HSPA12B: variants seen among roughly 807,000 people sequenced by gnomAD.
HSPA12B encodes the protein heat shock protein family A (Hsp70) member 12B.
Under a neutral mutation model 69.3 loss-of-function variants are expected in HSPA12B, and 54 were observed. The ratio of observed to expected loss-of-function variants is 0.78; its 90% confidence interval spans 0.63 to 0.98. HSPA12B has a LOEUF of 0.98. Ranked by LOEUF, HSPA12B falls within the 50% of genes least tolerant of loss-of-function variation. The pLI is 0.00. For missense variants in HSPA12B, 929 were observed against 999.8 expected, an observed-to-expected ratio of 0.93 and a Z score of 0.96; for synonymous variants, 441 against 436.5, an observed-to-expected ratio of 1.01 and a Z score of -0.13.
intron 12 of HSPA12B, 29 bp downstream of exon 12, chr20:3,750,936 G>C (rs1430536581): frequency 6.4e-7 from 1 of 1,574,578 alleles, no homozygotes. Flanking sequence ...TCCCCCACCC[G>C]CCCCTACATG....
intron 1 of HSPA12B, among the ~76,000 whole-genome samples, chr20:3,736,040 C>A (rs1347508652): frequency 6.6e-6 from 1 of 152,174 alleles, no homozygotes; most frequent in Non-Finnish European, 1.5e-5. Flanking sequence ...ATGGTGTTTG[C>A]CAATTTCTGT....
chr20:3,738,931 GTGTA>G (rs1568471930), intron 2 of HSPA12B, among the ~76,000 whole-genome samples: 1 of 152,186 alleles, frequency 6.6e-6, no homozygotes, highest in African/African-American at 2.4e-5. Context: ...GCACCGGTCT[GTGTA>G]TGTGAGTATG....
chr20:3,745,037 G>A lies in HSPA12B; in HGVS notation c.402G>A (p.Ala134=), dbSNP rs368009825. ...ACCATGACCTGGACCCCGAAGAGGC[G>A]CGGGACTGGCTCTACTTCGAGAAGT... ...DYYHDLDPEE[A]RDWLYFEKFK... is the part of the protein sequence containing the mutation. Residue 134 remains alanine (A), a synonymous_variant, in exon 5 of 13, where the codon GCG becomes GCA. Transcript: ENST00000254963. The surrounding 1 kb of genome is among the most constrained non-coding windows in gnomAD (Gnocchi z 5.6). 6.2e-7 allele frequency: 1 copy of A among 1,613,976 alleles called. No individual in the cohort carries two copies. The highest frequency in any genetic ancestry group is 8.5e-7 in the Non-Finnish European group (1 of 1,180,020).
In HSPA12B at chr20:3,737,977, T is replaced by C. The variant is rs2088134866; in HGVS notation, c.-17-681T>C. Among the ~76,000 whole-genome samples the C allele has an allele frequency of 6.6e-6, 1 of 152,214 alleles. No homozygotes were observed. Among genetic ancestry groups the C allele is most frequent in the South Asian group, 2.1e-4 (1 of 4,824 alleles). On this transcript the variant is annotated intron_variant, in intron 1 of 12. Transcript: ENST00000254963. The surrounding 1 kb of genome is among the most constrained non-coding windows in gnomAD (Gnocchi z 4.1). The stretch of plus-strand genomic sequence containing the variant: ...AAGATCGTGCCACTGCATTCCAGCC[T>C]GGGCAACAGAGTGAGACCCTGTCTC...
chr20:3,733,162 G>C (rs1330008693), intron 1 of HSPA12B, among the ~76,000 whole-genome samples: 1 of 152,170 alleles, frequency 6.6e-6, no homozygotes. Flanking sequence ...GGAGTTGAGT[G>C]TATGTGTGTG....
chr20:3,748,403 C>T lies in HSPA12B; in HGVS notation c.850+12C>T, dbSNP rs888818918. On this transcript the variant is annotated intron_variant, in intron 8 of 12. Transcript: ENST00000254963. ...CAGCTTCCGTCAGGGTGAGCTGCCC[C>T]CGGGGACACCACCCACCCCTGGAGG... 3 of 1,570,586 alleles carry T rather than the reference C, an allele frequency of 1.9e-6. No individual in the cohort carries two copies. Among genetic ancestry groups the T allele is most frequent in the East Asian group, 2.3e-5 (1 of 42,720 alleles).
chr20:3,743,941 G>C (rs1301950932), intron 4 of HSPA12B, among the ~76,000 whole-genome samples: 1 of 152,116 alleles, frequency 6.6e-6, no homozygotes, highest in Non-Finnish European at 1.5e-5. Flanking sequence ...AAGGTTCTAA[G>C]GGCTGAGTTG....
chr20:3,751,767 G>A lies in HSPA12B; in HGVS notation c.1662G>A (p.Gly554=). Residue 554 remains glycine (G), a synonymous_variant, in exon 13 of 13, where the codon GGG becomes GGA. Transcript: ENST00000254963. ...GVGVLNRFVP[G]RHPPEKLLVR... ...GCGTGCTCAACCGCTTTGTGCCTGGGCGCCACCCGCCCGAAAAGCTGCTGG... is the reference window on the plus strand; with the variant it reads ...GCGTGCTCAACCGCTTTGTGCCTGGACGCCACCCGCCCGAAAAGCTGCTGG... 6.6e-7 allele frequency: 1 copy of A among 1,525,684 alleles called. No individual in the cohort carries two copies. Among genetic ancestry groups the A allele is most frequent in the Non-Finnish European group, 8.8e-7 (1 of 1,142,278 alleles). 94.5% of individuals were successfully genotyped at this position (1,525,684 alleles called of 1,614,324 possible).
rs2088408296 is a variant in HSPA12B, at chr20:3,750,925, G to T, written c.1405+18G>T. On this transcript the variant is annotated intron_variant, in intron 12 of 12. Transcript: ENST00000254963. Reference sequence around the variant, plus strand: ...GCACATAGGTGAGCACCTGAGCTTGGTCCCCCACCCGCCCCTACATGAACA... The same window carrying T: ...GCACATAGGTGAGCACCTGAGCTTGTTCCCCCACCCGCCCCTACATGAACA... 1 of 1,606,412 alleles carries T rather than the reference G, an allele frequency of 6.2e-7. No individual in the cohort carries two copies. The highest frequency in any genetic ancestry group is 1.7e-5 in the Admixed American group (1 of 59,986).
chr20:3,749,848 G>A lies in HSPA12B; in HGVS notation c.1036G>A (p.Ala346Thr), dbSNP rs2088377473. Residue 346 changes from alanine to threonine, a missense_variant, in exon 10 of 13, where the codon GCA (alanine) becomes ACA (threonine). Transcript: ENST00000254963. This position sits in a 1 kb window ranked among gnomAD's most constrained non-coding sequence, Gnocchi z 5.5. ...TGGCACCCTCAAGGAGCTCTACAAG[G>A]CATCTGGTGAGTAGCCAGGCGGCGC... is the stretch of plus-strand genomic sequence containing the variant. ...PHGTLKELYK[A>T]SGGPYGAVGV... 1 of 1,603,876 alleles carries A rather than the reference G, an allele frequency of 6.2e-7. No individual in the cohort carries two copies. Among genetic ancestry groups the A allele is most frequent in the Non-Finnish European group, 8.5e-7 (1 of 1,175,562 alleles).
rs566095976 is a variant in HSPA12B at position 3,749,460 on chromosome 20, G to A, written c.937+142G>A. ...CCTGGCCGTCCCCTCACAGTCACCC[G>A]CACCCCCACCCCACTCACAGCGGCG... is the stretch of plus-strand genomic sequence containing the variant. On this transcript the variant is annotated intron_variant, in intron 9 of 12. Transcript: ENST00000254963. This position sits in a 1 kb window ranked among gnomAD's most constrained non-coding sequence, Gnocchi z 5.5. 1 of 773,592 alleles carries A rather than the reference G, an allele frequency of 1.3e-6. No homozygotes were observed. The allele number at this position is 773,592 out of a possible 1,614,324, so 47.9% of individuals were successfully genotyped here. A position where few individuals can be genotyped will look rare whatever the true frequency, so the allele number is the denominator to read the frequency against.
At position 3,744,699 on chromosome 20, in the gene HSPA12B, GA is replaced by G. The variant is rs2088263732; in HGVS notation, c.267-201del. 1.3e-5 allele frequency among the ~76,000 whole-genome samples: 2 copies of G among 152,192 alleles called. No individual in the cohort carries two copies. The highest frequency in any genetic ancestry group is 4.1e-4 in the South Asian group (2 of 4,824). ...TACCTCTTGGCTACTTTAAATCCACGAAGACAGAATTCTGAATGGCCTTCTG... is the reference window on the plus strand; with the variant it reads ...TACCTCTTGGCTACTTTAAATCCACGAGACAGAATTCTGAATGGCCTTCTG... On this transcript the variant is annotated intron_variant, in intron 4 of 12. Transcript: ENST00000254963. The surrounding 1 kb of genome is among the most constrained non-coding windows in gnomAD (Gnocchi z 4.9).
intron 1 of HSPA12B, among the ~76,000 whole-genome samples, chr20:3,733,278 C>T (rs1600302857): frequency 6.6e-6 from 1 of 152,090 alleles, no homozygotes; most frequent in African/African-American, 2.4e-5. Flanking sequence ...GTCTTCCGGG[C>T]CAGCTTGAGG....
chr20:3,742,846 C>T (rs553084431), intron 4 of HSPA12B, among the ~76,000 whole-genome samples: 16 of 151,532 alleles, frequency 1.1e-4, no homozygotes, highest in Non-Finnish European at 1.6e-4. Flanking sequence ...TACAGGTGTG[C>T]GCCACTATGC....
At chr20:3,735,729 G>C (rs2088098721) in intron 1 of HSPA12B, among the ~76,000 whole-genome samples, 1 of 152,206 alleles carries the variant, frequency 6.6e-6, no homozygotes, top group South Asian at 2.1e-4. Context: ...GCCTCTGAAA[G>C]TGCTGGGATT....
intron 3 of HSPA12B, among the ~76,000 whole-genome samples, chr20:3,741,328 T>C (rs896496303): frequency 7.1e-6 from 1 of 140,918 alleles, no homozygotes; most frequent in Non-Finnish European, 1.5e-5. Context: ...AAAAAAAAAA[T>C]AGTCTGGAAA....
rs1439067224 is a variant in HSPA12B at position 3,740,447 on chromosome 20, C to T, written c.44-368C>T. ...GGCTTCTCTCTCCTCTACTCCCTCC[C>T]AGGAGCTCACCTGCCCTATCTCCCC... On this transcript the variant is annotated intron_variant, in intron 2 of 12. Transcript: ENST00000254963. The surrounding 1 kb of genome is among the most constrained non-coding windows in gnomAD (Gnocchi z 4.9). Among the ~76,000 whole-genome samples, 2 of 152,100 alleles carry T rather than the reference C, an allele frequency of 1.3e-5. No individual in the cohort carries two copies. Among genetic ancestry groups the T allele is most frequent in the African/African-American group, 4.8e-5 (2 of 41,412 alleles).
At chr20:3,733,377 G>A (rs955275519) in intron 1 of HSPA12B, among the ~76,000 whole-genome samples, 3 of 152,106 alleles carry the variant, frequency 2.0e-5, no homozygotes, top group African/African-American at 4.8e-5. Context: ...CTGGAAGGGA[G>A]TGATCACGAA....
At position 3,740,024 on chromosome 20, in the gene HSPA12B, G is replaced by A. The variant is rs527676509; in HGVS notation, c.44-791G>A. On this transcript the variant is annotated intron_variant, in intron 2 of 12. Coordinates refer to ENST00000254963, the MANE Select transcript of HSPA12B (RefSeq NM_052970.5). This position sits in a 1 kb window ranked among gnomAD's most constrained non-coding sequence, Gnocchi z 4.9. ...CCATAAGCCGCCTGATCCTCGGGGC[G>A]AGGCCTGGGGCTGTCCTCCAGGGCT... 2.6e-5 allele frequency among the ~76,000 whole-genome samples: 4 copies of A among 152,290 alleles called. No homozygotes were observed. The highest frequency in any genetic ancestry group is 2.1e-4 in the South Asian group (1 of 4,828).
Sources: gnomAD v4.1 joint callset for allele counts (sites outside exome capture counted in the v4.1 genomes callset) on GRCh38, gnomAD v4.1.1 for gene constraint, Gnocchi (gnomAD v3.1) non-coding constraint, MANE v1.5 for transcripts, NCBI Gene and HGNC (gene_info 2026-07-23, HGNC 2026-07-21) for gene names.